Variants in RARS2 observed in about 807,000 individuals in gnomAD.
RARS2 encodes the protein arginyl-tRNA synthetase 2, mitochondrial.
RARS2 carries 67 observed loss-of-function variants against 88.5 expected under a neutral mutation model. That is an observed-to-expected ratio of 0.76 (90% CI 0.62 to 0.93). The LOEUF (loss-of-function observed/expected upper bound fraction) is 0.93. RARS2 is among the 40% of genes least tolerant of loss of function. The pLI is 0.00. For missense variants in RARS2, 664 were observed against 684.2 expected, an observed-to-expected ratio of 0.97 and a Z score of 0.33; for synonymous variants, 239 against 230.3, an observed-to-expected ratio of 1.04 and a Z score of -0.34.
At chr6:87,548,308 G>C (rs1278975724) in intron 6 of RARS2, among the ~76,000 whole-genome samples, 2 of 152,054 alleles carry the variant, frequency 1.3e-5, no homozygotes, top group East Asian at 3.9e-4. Context: ...CATCTTTCAG[G>C]TCTTCCCCAT....
Position 87,529,748 on chromosome 6 carries a change from A to G in RARS2, c.772-100T>C, listed in dbSNP as rs867767322. On this transcript the variant is annotated intron_variant, in intron 9 of 19. Transcript: ENST00000369536. ...GGATGCTCTACCACCTGTCACACACATGAACACAATAAAAATTAAATCAAG... is the reference window on the plus strand; with the variant it reads ...GGATGCTCTACCACCTGTCACACACGTGAACACAATAAAAATTAAATCAAG... 47 of 783,764 alleles carry G rather than the reference A, an allele frequency of 6.0e-5. No homozygotes were observed. In the Middle Eastern group the frequency reaches 6.8e-4, roughly 11 times the overall value. The allele number at this position is 783,764 out of a possible 1,614,324, so 48.6% of individuals were successfully genotyped here. A position where few individuals can be genotyped will look rare whatever the true frequency, so the allele number is the denominator to read the frequency against.
At chr6:87,518,032 T>A in intron 17 of RARS2, 137 bp downstream of exon 17, 1 of 1,537,788 alleles carries the variant, frequency 6.5e-7, no homozygotes, top group Non-Finnish European at 8.9e-7. Flanking sequence ...AAATAATCAC[T>A]TTTTAAGGCA....
chr6:87,569,724 G>A, intron 1 of RARS2, 134 bp from the exon 2 acceptor site: 1 of 748,588 alleles, frequency 1.3e-6, no homozygotes, highest in South Asian at 1.5e-5. Flanking sequence ...AGTGAAGGAA[G>A]CCAGATTCAA....
intron 2 of RARS2, among the ~76,000 whole-genome samples, chr6:87,567,206 T>C (rs534235271): frequency 3.3e-5 from 5 of 152,252 alleles, no homozygotes; most frequent in South Asian, 2.1e-4. Context: ...GAGCCAAGAT[T>C]GTGCCACTGC....
chr6:87,562,684 A>T lies in RARS2; in HGVS notation c.297+18T>A. 1 of 1,556,284 alleles carries T rather than the reference A, an allele frequency of 6.4e-7. No homozygotes were observed. Reference sequence around the variant, plus strand: ...GACAGAATGAAAGCACAATGGCTGGATATTAACTTATTCTTACCTTTGTTA... The same window carrying T: ...GACAGAATGAAAGCACAATGGCTGGTTATTAACTTATTCTTACCTTTGTTA... On this transcript the variant is annotated intron_variant, in intron 4 of 19. Coordinates refer to ENST00000369536, the MANE Select transcript of RARS2 (RefSeq NM_020320.5).
intron 4 of RARS2, among the ~76,000 whole-genome samples, chr6:87,558,385 G>A (rs528954370): frequency 1.3e-5 from 2 of 152,148 alleles, no homozygotes; most frequent in South Asian, 4.2e-4. Context: ...CTCAACCTCT[G>A]TAATCAATCA....
Position 87,524,740 on chromosome 6 carries a change from C to T in RARS2, c.879-88G>A, listed in dbSNP as rs1775110295. 8 of 975,384 alleles carry T rather than the reference C, an allele frequency of 8.2e-6. 1 individual carries two copies. In the Admixed American group the frequency reaches 1.3e-4, roughly 15 times the overall value. 60.4% of individuals were successfully genotyped at this position (975,384 alleles called of 1,614,324 possible). A position where few individuals can be genotyped will look rare whatever the true frequency, so the allele number is the denominator to read the frequency against. On this transcript the variant is annotated intron_variant, in intron 10 of 19. Transcript: ENST00000369536. ...ATCTAAAACATTAGCAAACCAGAAG[C>T]TATTTTTATTACCCACGTTGCAATG...
At chr6:87,537,125 G>A (rs145425149) in intron 8 of RARS2, among the ~76,000 whole-genome samples, 1 of 152,342 alleles carries the variant, frequency 6.6e-6, no homozygotes, top group South Asian at 2.1e-4. Flanking sequence ...AGAGAATACT[G>A]ATCATAGTTC....
chr6:87,568,964 T>C (rs1476157203), intron 2 of RARS2, among the ~76,000 whole-genome samples: 2 of 152,184 alleles, frequency 1.3e-5, no homozygotes, highest in African/African-American at 4.8e-5. Flanking sequence ...ACAAGAATCA[T>C]TTAGGATGAC....
At chr6:87,519,175 TAA>T (rs61596231) in intron 14 of RARS2, 3 of 278,988 alleles carry the variant, frequency 1.1e-5, no homozygotes, top group South Asian at 7.5e-5. Flanking sequence ...TATATATATA[TAA>T]ATATATATGT....
chr6:87,540,375 A>G, intron 8 of RARS2, among the ~76,000 whole-genome samples: 1 of 143,740 alleles, frequency 7.0e-6, no homozygotes, highest in South Asian at 2.4e-4. Context: ...GCTTCAACCC[A>G]GGAGGCAGAG....
intron 1 of RARS2, among the ~76,000 whole-genome samples, chr6:87,578,113 C>A (rs147573276): frequency 1.3e-5 from 2 of 148,692 alleles, no homozygotes; most frequent in Non-Finnish European, 3.0e-5. Context: ...CGAGACCCCC[C>A]CCCCCGCCAT....
chr6:87,559,682 TA>T (rs1324185876), intron 4 of RARS2, among the ~76,000 whole-genome samples: 3 of 152,200 alleles, frequency 2.0e-5, no homozygotes, highest in Non-Finnish European at 4.4e-5. Context: ...TAATTTTTAT[TA>T]TTTTATTCTG....
intron 11 of RARS2, among the ~76,000 whole-genome samples, chr6:87,523,144 A>C (rs550285169): frequency 1.6e-3 from 247 of 152,338 alleles, no homozygotes; most frequent in Non-Finnish European, 2.7e-3. Flanking sequence ...GTTTAAGATA[A>C]GGACAAAACA....
chr6:87,551,435 G>A (rs1299332631), intron 5 of RARS2, among the ~76,000 whole-genome samples: 1 of 151,802 alleles, frequency 6.6e-6, no homozygotes, highest in African/African-American at 2.4e-5. Context: ...AGACCAGCCT[G>A]ACCAACATGG....
chr6:87,538,428 G>C (rs993420721), intron 8 of RARS2, among the ~76,000 whole-genome samples: 2 of 152,074 alleles, frequency 1.3e-5, no homozygotes, highest in African/African-American at 4.8e-5. Flanking sequence ...CATAGATGTT[G>C]ATCTTCCACT....
intron 1 of RARS2, among the ~76,000 whole-genome samples, chr6:87,578,225 T>C (rs889745513): frequency 6.6e-6 from 1 of 152,200 alleles, no homozygotes; most frequent in African/African-American, 2.4e-5. Flanking sequence ...TGGACATTTT[T>C]CCATTGTAAA....
At chr6:87,559,003 A>G (rs550282352) in intron 4 of RARS2, among the ~76,000 whole-genome samples, 10 of 152,320 alleles carry the variant, frequency 6.6e-5, no homozygotes, top group African/African-American at 2.4e-4. Context: ...AGTGATATTG[A>G]TGATCCTGAC....
chr6:87,550,754 A>G (rs979869227), intron 5 of RARS2, among the ~76,000 whole-genome samples: 5 of 151,256 alleles, frequency 3.3e-5, no homozygotes, highest in Admixed American at 6.6e-5. Context: ...AATAAAAATA[A>G]TAAGCCAGCC....
Sources: gnomAD v4.1 joint callset for allele counts (sites outside exome capture counted in the v4.1 genomes callset) on GRCh38, gnomAD v4.1.1 for gene constraint, MANE v1.5 for transcripts, NCBI Gene and HGNC (gene_info 2026-07-23, HGNC 2026-07-21) for gene names.